GASK1A: variants seen among roughly 807,000 people sequenced by gnomAD.
GASK1A encodes golgi associated kinase 1A.
Under a neutral mutation model 41.2 loss-of-function variants are expected in GASK1A, and 40 were observed. That is an observed-to-expected ratio of 0.97 (90% CI 0.75 to 1.27). The LOEUF (loss-of-function observed/expected upper bound fraction) is 1.27. Among genes scored for constraint, GASK1A ranks in the 50% most tolerant of loss-of-function variants. The probability of loss-of-function intolerance (pLI) is 0.00; values close to 1 mark genes in which losing one functional copy is unlikely to be tolerated. For missense variants in GASK1A, 678 were observed against 745.1 expected, an observed-to-expected ratio of 0.91 and a Z score of 1.05; for synonymous variants, 316 against 307.1, an observed-to-expected ratio of 1.03 and a Z score of -0.30.
At position 42,986,815 on chromosome 3, in the gene GASK1A, TG is replaced by T. The variant is rs550915828; in HGVS notation, c.3+7172del. 4.6e-5 allele frequency among the ~76,000 whole-genome samples: 7 copies of T among 152,248 alleles called. No homozygotes were observed. The South Asian group carries it at 1.5e-3, about 32-fold the overall frequency. ...GATCCTGGGGGCCAGGATAGAGGTA[TG>T]GATTCTGTAGCAGGCCAGAGGAGCA... On this transcript the variant is annotated intron_variant, in intron 1 of 4. Coordinates refer to ENST00000430121, the MANE Select transcript of GASK1A (RefSeq NM_001129908.3).
chr3:43,035,153 C>T (rs373654212), intron 2 of GASK1A, among the ~76,000 whole-genome samples: 3 of 152,216 alleles, frequency 2.0e-5, no homozygotes, highest in Admixed American at 6.5e-5. Flanking sequence ...ATTACCTAGC[C>T]TCTCTCAGCT....
chr3:43,010,670 T>A (rs2089459189), intron 1 of GASK1A, among the ~76,000 whole-genome samples: 2 of 152,250 alleles, frequency 1.3e-5, no homozygotes, highest in African/African-American at 4.8e-5. Flanking sequence ...TCTCCCTGTG[T>A]ACCACTTCCT....
intron 1 of GASK1A, among the ~76,000 whole-genome samples, chr3:43,020,828 T>C (rs1320274757): frequency 6.6e-6 from 1 of 152,108 alleles, no homozygotes; most frequent in East Asian, 1.9e-4. Context: ...CACAAACACA[T>C]TTAAAGCCTC....
At chr3:42,999,984 A>G (rs1430145549) in intron 1 of GASK1A, among the ~76,000 whole-genome samples, 1 of 152,098 alleles carries the variant, frequency 6.6e-6, no homozygotes, top group Non-Finnish European at 1.5e-5. Context: ...TCTAATACGG[A>G]CACTTGTGAT....
intron 2 of GASK1A, among the ~76,000 whole-genome samples, chr3:43,051,380 G>A (rs1384055858): frequency 6.6e-6 from 1 of 152,116 alleles, no homozygotes; most frequent in Non-Finnish European, 1.5e-5. Context: ...AAAGGACTCT[G>A]TGTGTGTGTT....
chr3:42,992,885 G>A lies in GASK1A; in HGVS notation c.3+13240G>A, dbSNP rs138046271. On this transcript the variant is annotated intron_variant, in intron 1 of 4. Transcript: ENST00000430121. ...CAGAACAAATTTATAGACAAAAAAGGTAAAGTGACGTACAGGAATCGGAAG... is the reference window on the plus strand; with the variant it reads ...CAGAACAAATTTATAGACAAAAAAGATAAAGTGACGTACAGGAATCGGAAG... 1.9e-3 allele frequency among the ~76,000 whole-genome samples: 289 copies of A among 152,306 alleles called. 1 individual carries two copies. Among genetic ancestry groups the A allele is most frequent in the African/African-American group, 6.3e-3 (262 of 41,556 alleles).
At position 43,032,530 on chromosome 3, in the gene GASK1A, G is replaced by T. The variant is rs770256828; in HGVS notation, c.267G>T (p.Leu89Phe). ...GTGCTTTGCCCAGGAACTCCATCTT[G>T]GTCTGTGCTGAGGAGCAAGGCCATA... ...RSRALPRNSI[L>F]VCAEEQGHRA... Residue 89 changes from leucine to phenylalanine, a missense_variant, in exon 2 of 5, where the codon TTG (leucine) becomes TTT (phenylalanine). Leu to Phe is a conservative substitution (Grantham distance 22). Transcript: ENST00000430121. 6.5e-7 allele frequency: 1 copy of T among 1,549,604 alleles called. No homozygotes were observed.
intron 1 of GASK1A, among the ~76,000 whole-genome samples, chr3:43,007,210 C>T (rs1050907755): frequency 4.6e-5 from 7 of 152,206 alleles, no homozygotes; most frequent in African/African-American, 1.7e-4. Context: ...ATCTGAATTC[C>T]ATACCACTAA....
intron 1 of GASK1A, among the ~76,000 whole-genome samples, chr3:43,024,352 G>A (rs2089536020): frequency 6.6e-6 from 1 of 152,166 alleles, no homozygotes; most frequent in African/African-American, 2.4e-5. Flanking sequence ...GGCTTCAGCT[G>A]CATTTGCTCT....
intron 1 of GASK1A, among the ~76,000 whole-genome samples, chr3:42,981,658 G>A (rs1182857822): frequency 1.3e-5 from 2 of 152,184 alleles, no homozygotes; most frequent in Non-Finnish European, 2.9e-5. Flanking sequence ...AGCCCAGTGT[G>A]CTGCCAGGGC....
At chr3:43,047,052 A>G (rs2089667686) in intron 2 of GASK1A, among the ~76,000 whole-genome samples, 1 of 152,240 alleles carries the variant, frequency 6.6e-6, no homozygotes, top group South Asian at 2.1e-4. Context: ...TGCTAGGGCA[A>G]TGTGGAAGGG....
At chr3:43,043,116 A>G (rs1292797606) in intron 2 of GASK1A, among the ~76,000 whole-genome samples, 5 of 152,192 alleles carry the variant, frequency 3.3e-5, no homozygotes, top group Non-Finnish European at 5.9e-5. Context: ...CCTGCCTCCA[A>G]CTATGCTGCA....
At chr3:43,006,105 CA>C (rs2089434795) in intron 1 of GASK1A, among the ~76,000 whole-genome samples, 1 of 152,046 alleles carries the variant, frequency 6.6e-6, no homozygotes, top group African/African-American at 2.4e-5. Context: ...ATGTACTTAT[CA>C]CAAGCCAACT....
At chr3:43,009,812 G>T (rs1027522622) in intron 1 of GASK1A, among the ~76,000 whole-genome samples, 1 of 152,212 alleles carries the variant, frequency 6.6e-6, no homozygotes, top group African/African-American at 2.4e-5. Context: ...CACAAGTTTG[G>T]AAAGATAAGT....
chr3:43,033,177 C>T lies in GASK1A; in HGVS notation c.914C>T (p.Ser305Phe), dbSNP rs1328433355. The change falls in exon 2 of 5, where the codon TCT becomes TTT. Residue 305 changes from serine to phenylalanine, a missense_variant. Transcript: ENST00000430121. Reference sequence around the variant, plus strand: ...GAGGCTGCCCTTCAGGACCTGTCCTCTCCCAGGCTCAGCCAACTCTGTTCC... The same window carrying T: ...GAGGCTGCCCTTCAGGACCTGTCCTTTCCCAGGCTCAGCCAACTCTGTTCC... ...STEAALQDLS[S>F]PRLSQLCSQG... is the part of the protein sequence containing the mutation. 5 of 1,551,032 alleles carry T rather than the reference C, an allele frequency of 3.2e-6. No homozygotes were observed. Among genetic ancestry groups the T allele is most frequent in the African/African-American group, 1.4e-5 (1 of 73,056 alleles).
At chr3:42,998,017 C>T (rs184902084) in intron 1 of GASK1A, among the ~76,000 whole-genome samples, 3 of 152,272 alleles carry the variant, frequency 2.0e-5, no homozygotes, top group Admixed American at 1.3e-4. Context: ...TTTGCCAATT[C>T]CTGTCTGCCA....
intron 2 of GASK1A, among the ~76,000 whole-genome samples, chr3:43,047,901 T>C (rs1242602899): frequency 1.3e-5 from 2 of 152,164 alleles, no homozygotes; most frequent in Non-Finnish European, 2.9e-5. Context: ...CCATTTGGAG[T>C]CAGGTTTTTC....
At chr3:43,001,608 G>A (rs1383967962) in intron 1 of GASK1A, among the ~76,000 whole-genome samples, 2 of 152,154 alleles carry the variant, frequency 1.3e-5, no homozygotes, top group African/African-American at 4.8e-5. Context: ...CAAAAGAGGA[G>A]AGCTGTAATC....
chr3:43,057,675 T>C lies in GASK1A; in HGVS notation c.*1289T>C, dbSNP rs2089723028. The stretch of plus-strand genomic sequence containing the variant: ...ACTCTAATAAGTGTGATCAATCTTT[T>C]CTCTGCTGACTTGGTATAAATGTTT... On this transcript the variant is annotated 3_prime_UTR_variant, in exon 5 of 5. Coordinates refer to ENST00000430121, the MANE Select transcript of GASK1A (RefSeq NM_001129908.3). 6.6e-6 allele frequency: 1 copy of C among 152,212 alleles called. No homozygotes were observed. Among genetic ancestry groups the C allele is most frequent in the African/African-American group, 2.4e-5 (1 of 41,466 alleles). 9.4% of individuals were successfully genotyped at this position (152,212 alleles called of 1,614,324 possible).
Sources: gnomAD v4.1 joint callset for allele counts (sites outside exome capture counted in the v4.1 genomes callset) on GRCh38, gnomAD v4.1.1 for gene constraint, MANE v1.5 for transcripts, NCBI Gene and HGNC (gene_info 2026-07-23, HGNC 2026-07-21) for gene names.